Variants in CDK6 observed in about 807,000 individuals in gnomAD.
The protein encoded by CDK6 is cyclin dependent kinase 6, also known as cyclin-dependent kinase 6.
A neutral mutation model predicts 37.1 loss-of-function variants in CDK6; 6 were observed. The observed-to-expected ratio is 0.16, with a 90% confidence interval of 0.09 to 0.32. The LOEUF (loss-of-function observed/expected upper bound fraction) is 0.32, where lower values mean the gene tolerates loss of function less well. CDK6 is among the 10% of genes least tolerant of loss of function. The pLI, the probability that CDK6 is intolerant of heterozygous loss-of-function variation, is 1.00. For missense variants in CDK6, 224 were observed against 418.9 expected, an observed-to-expected ratio of 0.53 and a Z score of 4.06; for synonymous variants, 160 against 161.3, an observed-to-expected ratio of 0.99 and a Z score of 0.06.
chr7:92,803,264 T>C (rs762727618), intron 2 of CDK6, among the ~76,000 whole-genome samples: 11 of 152,080 alleles, frequency 7.2e-5, no homozygotes, highest in African/African-American at 2.4e-4. Flanking sequence ...GCTTTCCCTA[T>C]AGATGAGGAA....
intron 4 of CDK6, among the ~76,000 whole-genome samples, chr7:92,716,862 G>T (rs1221800477): frequency 6.6e-6 from 1 of 152,138 alleles, no homozygotes; most frequent in Non-Finnish European, 1.5e-5. Flanking sequence ...AACTAGCACA[G>T]AGGCATATTC....
intron 4 of CDK6, among the ~76,000 whole-genome samples, chr7:92,721,128 A>C (rs934701219): frequency 6.6e-6 from 1 of 152,154 alleles, no homozygotes; most frequent in Non-Finnish European, 1.5e-5. Flanking sequence ...TCACATTTCC[A>C]ACTCCTTCTT....
At chr7:92,681,411 G>A (rs1797333648) in intron 4 of CDK6, among the ~76,000 whole-genome samples, 1 of 152,186 alleles carries the variant, frequency 6.6e-6, no homozygotes, top group Non-Finnish European at 1.5e-5. Context: ...CCAGGTTTCT[G>A]ACCTTTTGTG....
At chr7:92,707,380 C>G (rs961834769) in intron 4 of CDK6, among the ~76,000 whole-genome samples, 3 of 152,122 alleles carry the variant, frequency 2.0e-5, no homozygotes, top group African/African-American at 7.2e-5. Context: ...GTCCCTTTAA[C>G]CATGTACTGT....
chr7:92,708,628 G>A (rs1352839647), intron 4 of CDK6, among the ~76,000 whole-genome samples: 5 of 152,100 alleles, frequency 3.3e-5, no homozygotes, highest in African/African-American at 1.2e-4. Flanking sequence ...TATCATTTAA[G>A]TCCTGATAAA....
chr7:92,673,934 C>A (rs1021507799), intron 4 of CDK6, among the ~76,000 whole-genome samples: 1 of 152,004 alleles, frequency 6.6e-6, no homozygotes, highest in African/African-American at 2.4e-5. Context: ...CACGCCACCA[C>A]ACCCGGCTAA....
intron 3 of CDK6, among the ~76,000 whole-genome samples, chr7:92,736,139 C>A (rs1234430792): frequency 1.3e-5 from 2 of 151,636 alleles, no homozygotes; most frequent in Non-Finnish European, 2.9e-5. Context: ...GAGAAAATGA[C>A]CCCACAAAAA....
intron 5 of CDK6, among the ~76,000 whole-genome samples, chr7:92,635,852 G>T (rs1332746619): frequency 6.6e-6 from 1 of 152,066 alleles, no homozygotes; most frequent in Non-Finnish European, 1.5e-5. Flanking sequence ...GACAAATAAG[G>T]GGATAAATGC....
rs138797356 is a variant in CDK6, at chr7:92,628,597, G to A, written c.648-5511C>T. On this transcript the variant is annotated intron_variant, in intron 5 of 7. Transcript: ENST00000424848. ...CTTTTCTTCAACTTCAGCTCCTCCT[G>A]TCTCAAAATTCACTTCCTTGGTTCA... 5.1e-4 allele frequency among the ~76,000 whole-genome samples: 77 copies of A among 152,134 alleles called. No individual in the cohort carries two copies. The East Asian group carries it at 6.8e-3, about 13-fold the overall frequency.
chr7:92,657,613 C>T (rs1796725879), intron 5 of CDK6, among the ~76,000 whole-genome samples: 1 of 152,130 alleles, frequency 6.6e-6, no homozygotes, highest in Admixed American at 6.6e-5. Flanking sequence ...CACTACCCAA[C>T]TGATAAAAAG....
At chr7:92,655,357 T>A (rs775277845) in intron 5 of CDK6, among the ~76,000 whole-genome samples, 54 of 152,176 alleles carry the variant, frequency 3.5e-4, no homozygotes, top group Non-Finnish European at 8.8e-5. Flanking sequence ...ATATGCAATC[T>A]GTAAAAAAGG....
chr7:92,716,520 T>C (rs573598715), intron 4 of CDK6, among the ~76,000 whole-genome samples: 2 of 152,294 alleles, frequency 1.3e-5, no homozygotes, highest in South Asian at 2.1e-4. Context: ...ACTGAGTGAA[T>C]AAAAATGGAT....
intron 3 of CDK6, among the ~76,000 whole-genome samples, chr7:92,762,903 AG>A (rs1799493520): frequency 6.6e-6 from 1 of 152,208 alleles, no homozygotes; most frequent in African/African-American, 2.4e-5. Flanking sequence ...AGCTATTTCC[AG>A]ATTGATCTAA....
At chr7:92,781,371 C>G (rs1186782948) in intron 2 of CDK6, among the ~76,000 whole-genome samples, 1 of 152,256 alleles carries the variant, frequency 6.6e-6, no homozygotes, top group African/African-American at 2.4e-5. Flanking sequence ...CAAAATATCT[C>G]TCTGAATTAA....
rs756963341 is a variant in CDK6 at position 92,725,745 on chromosome 7, G to T, written c.418C>A (p.Arg140=). The change falls in exon 4 of 8, where the codon CGA becomes AGA. Residue 140 remains arginine, a synonymous_variant. Transcript: ENST00000424848. ...LRGLDFLHSH[R]VVHRDLKPQN... is the part of the protein sequence containing the mutation. ...GGTTTTAGATCGCGATGCACTACTC[G>T]GTGTGAATGAAGAAAGTCCAGACCT... is the stretch of plus-strand genomic sequence containing the variant. 7 of 1,613,888 alleles carry T rather than the reference G, an allele frequency of 4.3e-6. No homozygotes were observed. In the South Asian group the frequency reaches 7.7e-5, roughly 18 times the overall value.
chr7:92,724,067 C>T (rs1798451490), intron 4 of CDK6, among the ~76,000 whole-genome samples: 1 of 152,078 alleles, frequency 6.6e-6, no homozygotes, highest in Non-Finnish European at 1.5e-5. Flanking sequence ...AAGTTCCTTC[C>T]ATCTACTCCC....
At chr7:92,730,703 T>C (rs1236788980) in intron 3 of CDK6, among the ~76,000 whole-genome samples, 4 of 152,226 alleles carry the variant, frequency 2.6e-5, no homozygotes, top group Non-Finnish European at 5.9e-5. Flanking sequence ...TTGTGGTGTG[T>C]ATCATAATTT....
chr7:92,743,182 C>T (rs1798970575), intron 3 of CDK6, among the ~76,000 whole-genome samples: 1 of 151,686 alleles, frequency 6.6e-6, no homozygotes, highest in South Asian at 2.1e-4. Context: ...TCGAGACCAG[C>T]CTGGCCAACA....
At position 92,650,409 on chromosome 7, in the gene CDK6, C is replaced by T. The variant is rs563898505; in HGVS notation, c.647+21017G>A. ...TCTGCAATGTTTATTGTTTATTCCA[C>T]GATCTTTTGTTGTTTTTTTTTGTTG... On this transcript the variant is annotated intron_variant, in intron 5 of 7. Coordinates refer to ENST00000424848, the MANE Select transcript of CDK6 (RefSeq NM_001145306.2). 7.2e-5 allele frequency among the ~76,000 whole-genome samples: 11 copies of T among 152,152 alleles called. No individual in the cohort carries two copies. In the East Asian group the frequency reaches 1.5e-3, roughly 21 times the overall value.
Sources: gnomAD v4.1 joint callset for allele counts (sites outside exome capture counted in the v4.1 genomes callset) on GRCh38, gnomAD v4.1.1 for gene constraint, MANE v1.5 for transcripts, NCBI Gene and HGNC (gene_info 2026-07-23, HGNC 2026-07-21) for gene names.